The following PHKB variants were observed in gnomAD, a reference collection of about 807,000 sequenced individuals.
PHKB encodes the protein phosphorylase b kinase regulatory subunit beta.
In PHKB, 122 loss-of-function variants were observed where a neutral mutation model predicts 152.1. The ratio of observed to expected loss-of-function variants is 0.80; its 90% confidence interval spans 0.69 to 0.93. The LOEUF (loss-of-function observed/expected upper bound fraction) is 0.93, where lower values mean the gene tolerates loss of function less well. Among genes scored for constraint, PHKB ranks in the 40% least tolerant of loss-of-function variants. PHKB has a pLI of 0.00. For synonymous variants in PHKB, 436 were observed against 464.9 expected, an observed-to-expected ratio of 0.94 and a Z score of 0.80; for missense variants, 1,304 against 1,328.4, an observed-to-expected ratio of 0.98 and a Z score of 0.29.
chr16:47,698,563 G>T lies in PHKB; in HGVS notation c.3119G>T (p.Ser1040Ile). ...TTTAATGAATTTCAAAAAGATCAGA[G>T]TCGGCTAAAGGAAATTGAAAAACAA... is the stretch of plus-strand genomic sequence containing the variant. ...EAFNEFQKDQ[S>I]RLKEIEKQDD... is the part of the protein sequence containing the mutation. Residue 1040 changes from serine (S) to isoleucine (I), a missense_variant, in exon 30 of 31, where the codon AGT becomes ATT. Ser to Ile is a moderately radical substitution (Grantham distance 142). Coordinates refer to ENST00000323584, the MANE Select transcript of PHKB (RefSeq NM_000293.3). The T allele has an allele frequency of 1.3e-6, 2 of 1,563,890 alleles. No individual in the cohort carries two copies. Among genetic ancestry groups the T allele is most frequent in the South Asian group, 2.2e-5 (2 of 89,886 alleles).
In PHKB at chr16:47,580,283, T is replaced by A. The variant is rs1419946628; in HGVS notation, c.711-12T>A. 4 of 1,607,692 alleles carry A rather than the reference T, an allele frequency of 2.5e-6. No homozygotes were observed. The African/African-American group carries it at 4.0e-5, about 16-fold the overall frequency. ...ACATTAGAGTAATAAAGCATTTCCT[T>A]TTCTCTTTTAGCTCGGTTGGTTTAG... is the stretch of plus-strand genomic sequence containing the variant. On this transcript the variant is annotated splice_polypyrimidine_tract_variant and intron_variant, in intron 7 of 30. Coordinates refer to ENST00000323584, the MANE Select transcript of PHKB (RefSeq NM_000293.3).
intron 4 of PHKB, among the ~76,000 whole-genome samples, chr16:47,504,453 A>C (rs1970376397): frequency 6.6e-6 from 1 of 152,214 alleles, no homozygotes; most frequent in Admixed American, 6.5e-5. Flanking sequence ...ATTTAGGTTT[A>C]GCCCCTCTTG....
chr16:47,566,530 C>T, intron 7 of PHKB: 2 of 1,601,450 alleles, frequency 1.2e-6, no homozygotes, highest in Non-Finnish European at 1.7e-6. Context: ...AAAAGCACTG[C>T]ACTGATATTT....
intron 29 of PHKB, among the ~76,000 whole-genome samples, chr16:47,697,198 G>A (rs955337722): frequency 1.1e-4 from 17 of 152,172 alleles, no homozygotes; most frequent in African/African-American, 4.1e-4. Context: ...TTTCTCAAGG[G>A]TAGATAATAT....
At chr16:47,632,708 T>G (rs895920696) in intron 14 of PHKB, among the ~76,000 whole-genome samples, 1 of 152,052 alleles carries the variant, frequency 6.6e-6, no homozygotes, top group African/African-American at 2.4e-5. Flanking sequence ...AAAAATTAAA[T>G]TAGAAAAAAA....
At chr16:47,596,972 G>A (rs1208620726) in intron 13 of PHKB, among the ~76,000 whole-genome samples, 1 of 152,040 alleles carries the variant, frequency 6.6e-6, no homozygotes, top group Non-Finnish European at 1.5e-5. Flanking sequence ...ATTTTAGTTG[G>A]AGGTTTAATA....
At chr16:47,507,065 C>T (rs1229414968) in intron 4 of PHKB, among the ~76,000 whole-genome samples, 2 of 152,086 alleles carry the variant, frequency 1.3e-5, no homozygotes, top group Non-Finnish European at 2.9e-5. Flanking sequence ...CCTTGACCTC[C>T]CAGGCTCAAT....
chr16:47,627,862 C>T (rs547777045), intron 14 of PHKB, among the ~76,000 whole-genome samples: 1 of 152,318 alleles, frequency 6.6e-6, no homozygotes, highest in Non-Finnish European at 1.5e-5. Context: ...CTACTGTAGC[C>T]TGTTACTTGG....
chr16:47,650,333 C>T (rs1001504006), intron 18 of PHKB, among the ~76,000 whole-genome samples: 1 of 152,256 alleles, frequency 6.6e-6, no homozygotes, highest in African/African-American at 2.4e-5. Flanking sequence ...AGTTTGAAAT[C>T]GTTGAACTCA....
chr16:47,582,043 G>A (rs1345071958), intron 8 of PHKB, among the ~76,000 whole-genome samples: 1 of 152,184 alleles, frequency 6.6e-6, no homozygotes, highest in East Asian at 1.9e-4. Context: ...AGAAAGAACT[G>A]AAAGCTTTCT....
At chr16:47,680,670 T>G (rs531052241) in intron 26 of PHKB, among the ~76,000 whole-genome samples, 2 of 152,178 alleles carry the variant, frequency 1.3e-5, no homozygotes, top group African/African-American at 2.4e-5. Flanking sequence ...TTCTTCTTTA[T>G]TAGTCTTGCT....
At chr16:47,474,694 CTTG>C (rs1408600042) in intron 1 of PHKB, among the ~76,000 whole-genome samples, 1 of 150,794 alleles carries the variant, frequency 6.6e-6, no homozygotes, top group Non-Finnish European at 1.5e-5. Flanking sequence ...AAAGAATTAG[CTTG>C]TTGTGACTTC....
At chr16:47,566,636 C>G (rs1597090897) in intron 7 of PHKB, 3 of 1,115,938 alleles carry the variant, frequency 2.7e-6, no homozygotes, top group Non-Finnish European at 1.4e-6. Context: ...GAAGATGGCT[C>G]CAGTCGATAT....
chr16:47,696,462 C>A lies in PHKB; in HGVS notation c.2977C>A (p.Pro993Thr). 1 of 1,595,830 alleles carries A rather than the reference C, an allele frequency of 6.3e-7. No individual in the cohort carries two copies. The highest frequency in any genetic ancestry group is 8.6e-7 in the Non-Finnish European group (1 of 1,163,322). Residue 993 changes from proline (P) to threonine (T), a missense_variant, in exon 29 of 31, where the codon CCA (proline) becomes ACA (threonine). Coordinates refer to ENST00000323584, the MANE Select transcript of PHKB (RefSeq NM_000293.3). ...VEDTLGNIDQ[P>T]QYRQIVVELL... ...AGACACGTTGGGAAATATTGACCAGCCACAGTACAGACAGATCGTTGTAGA... is the reference window on the plus strand; with the variant it reads ...AGACACGTTGGGAAATATTGACCAGACACAGTACAGACAGATCGTTGTAGA...
rs1384483324 is a variant in PHKB at position 47,524,942 on chromosome 16, T to A, written c.594+9341T>A. On this transcript the variant is annotated intron_variant, in intron 6 of 30. Transcript: ENST00000323584. ...TACGATTTTTAAAAATCTTTTAAAATTTTTTTAAAAATTCTTTTATGGGAA... is the reference window on the plus strand; with the variant it reads ...TACGATTTTTAAAAATCTTTTAAAAATTTTTTAAAAATTCTTTTATGGGAA... Among the ~76,000 whole-genome samples the A allele has an allele frequency of 3.9e-5, 6 of 152,304 alleles. No individual in the cohort carries two copies. In the East Asian group the frequency reaches 9.6e-4, roughly 24 times the overall value.
intron 20 of PHKB, among the ~76,000 whole-genome samples, chr16:47,658,364 C>A (rs900317639): frequency 1.2e-4 from 19 of 152,082 alleles, no homozygotes; most frequent in African/African-American, 4.6e-4. Flanking sequence ...TGGCTAACAA[C>A]CCTCATCCTA....
intron 7 of PHKB, among the ~76,000 whole-genome samples, chr16:47,559,614 C>A (rs1050736501): frequency 6.6e-6 from 1 of 152,042 alleles, no homozygotes; most frequent in African/African-American, 2.4e-5. Flanking sequence ...ACTGGAAGGC[C>A]TATGTGAAGT....
Position 47,461,360 on chromosome 16 carries a change from G to A in PHKB, c.10G>A (p.Ala4Thr). ...CGGCGACCGGAGCGCGATGGCGGGG[G>A]CGGCGGGACTCACGGCAGAAGTGAG... MAG[A>T]AGLTAEVSWK... The change falls in exon 1 of 31, where the codon GCG (alanine) becomes ACG (threonine). Residue 4 changes from alanine (A) to threonine (T), a missense_variant. By Grantham distance (58) the Ala-to-Thr change is moderately conservative. Coordinates refer to ENST00000323584, the MANE Select transcript of PHKB (RefSeq NM_000293.3). The A allele has an allele frequency of 6.2e-7, 1 of 1,610,774 alleles. No homozygotes were observed. The highest frequency in any genetic ancestry group is 8.5e-7 in the Non-Finnish European group (1 of 1,179,140).
intron 7 of PHKB, among the ~76,000 whole-genome samples, chr16:47,563,009 C>T (rs193104600): frequency 5.6e-4 from 85 of 152,268 alleles, no homozygotes; most frequent in Non-Finnish European, 7.1e-4. Context: ...ATTCCTCATC[C>T]ATTCAAGTTT....
Sources: gnomAD v4.1 joint callset for allele counts (sites outside exome capture counted in the v4.1 genomes callset) on GRCh38, gnomAD v4.1.1 for gene constraint, MANE v1.5 for transcripts, NCBI Gene and HGNC (gene_info 2026-07-23, HGNC 2026-07-21) for gene names.